The following GRM5 variants were observed in gnomAD, a reference collection of about 807,000 sequenced individuals.
GRM5 encodes metabotropic glutamate receptor 5.
In GRM5, 19 loss-of-function variants were observed where a neutral mutation model predicts 83.1. That is an observed-to-expected ratio of 0.23 (90% confidence interval 0.16 to 0.34). GRM5 has a LOEUF of 0.34. GRM5 is among the 10% of genes least tolerant of loss of function. GRM5 has a pLI of 1.00. For synonymous variants in GRM5, 675 were observed against 633.6 expected (o/e 1.07, Z -0.98); for missense variants, 1,160 against 1,588.3 (o/e 0.73, Z 4.58).
intron 3 of GRM5, among the ~76,000 whole-genome samples, chr11:88,815,239 C>T (rs1943654933): frequency 6.6e-6 from 1 of 151,952 alleles, no homozygotes; most frequent in Admixed American, 6.5e-5. Context: ...CTTTTGACCA[C>T]AATAGAATTA....
intron 3 of GRM5, among the ~76,000 whole-genome samples, chr11:88,810,181 G>T (rs1020443071): frequency 3.9e-5 from 6 of 151,958 alleles, no homozygotes; most frequent in Non-Finnish European, 8.8e-5. Context: ...CTGCAGCCTA[G>T]ATTAGCAAGT....
chr11:88,895,166 A>C (rs1471040083), intron 2 of GRM5, among the ~76,000 whole-genome samples: 3 of 152,132 alleles, frequency 2.0e-5, no homozygotes, highest in African/African-American at 7.2e-5. Context: ...CTAAAAAAGT[A>C]AACTAATTAA....
intron 3 of GRM5, among the ~76,000 whole-genome samples, chr11:88,704,837 T>C (rs1046748051): frequency 6.6e-6 from 1 of 152,064 alleles, no homozygotes; most frequent in Admixed American, 6.6e-5. Flanking sequence ...CCATTCACCC[T>C]GGAAGGAAGC....
intron 2 of GRM5, among the ~76,000 whole-genome samples, chr11:89,029,919 G>T (rs1941222140): frequency 6.6e-6 from 1 of 152,048 alleles, no homozygotes; most frequent in African/African-American, 2.4e-5. Context: ...GACAACCAAA[G>T]CTGTAGATGT....
At chr11:88,832,861 G>A (rs1044022927) in intron 3 of GRM5, among the ~76,000 whole-genome samples, 1 of 151,946 alleles carries the variant, frequency 6.6e-6, no homozygotes, top group Non-Finnish European at 1.5e-5. Flanking sequence ...AATATTCAAT[G>A]AGGAAAGAAC....
In GRM5 at chr11:88,983,967, C is replaced by T. The variant is rs1565320428; in HGVS notation, c.661+63245G>A. On this transcript the variant is annotated intron_variant, in intron 2 of 9. Transcript: ENST00000305447. ...AAAAACTTTTAAAAATATTAAAAAG[C>T]ATATAGAAAAGGAATATAAAGAAAA... is the stretch of plus-strand genomic sequence containing the variant. Among the ~76,000 whole-genome samples the T allele has an allele frequency of 1.3e-5, 2 of 151,862 alleles. 1 individual carries two copies. The highest frequency in any genetic ancestry group is 4.1e-4 in the South Asian group (2 of 4,822).
intron 4 of GRM5, among the ~76,000 whole-genome samples, chr11:88,645,770 A>C (rs1273298742): frequency 1.3e-5 from 2 of 152,166 alleles, no homozygotes; most frequent in African/African-American, 4.8e-5. Context: ...TAAAAATTAT[A>C]CTGAAAACAG....
intron 2 of GRM5, among the ~76,000 whole-genome samples, chr11:89,043,110 C>A (rs1219865048): frequency 6.6e-6 from 1 of 152,126 alleles, no homozygotes; most frequent in Non-Finnish European, 1.5e-5. Context: ...TAAAAACTTA[C>A]AAGTGCCTGC....
intron 3 of GRM5, among the ~76,000 whole-genome samples, chr11:88,802,732 A>G (rs1219476327): frequency 6.6e-6 from 1 of 150,910 alleles, no homozygotes; most frequent in Non-Finnish European, 1.5e-5. Context: ...TTAGGAAAAG[A>G]GGAAGTCAAA....
chr11:88,990,966 C>T (rs1939945176), intron 2 of GRM5, among the ~76,000 whole-genome samples: 1 of 152,114 alleles, frequency 6.6e-6, no homozygotes, highest in African/African-American at 2.4e-5. Context: ...ACAGAGATGC[C>T]CTCTCTCACC....
At chr11:88,656,737 A>G (rs1939776042) in intron 3 of GRM5, among the ~76,000 whole-genome samples, 1 of 152,160 alleles carries the variant, frequency 6.6e-6, no homozygotes, top group African/African-American at 2.4e-5. Flanking sequence ...TGGGTTCCAT[A>G]TTCACAGATT....
intron 3 of GRM5, among the ~76,000 whole-genome samples, chr11:88,661,233 G>A (rs7944213): frequency 0.89 from 134,981 of 152,190 alleles, 60,773 homozygotes; most frequent in Non-Finnish European, 0.98. Flanking sequence ...AATGTTTAAT[G>A]TAACTTGTTT....
intron 2 of GRM5, among the ~76,000 whole-genome samples, chr11:88,988,720 A>G (rs1939840555): frequency 6.6e-6 from 1 of 151,358 alleles, no homozygotes; most frequent in African/African-American, 2.4e-5. Context: ...ATTCTTAAAG[A>G]AAAGAATTTT....
intron 3 of GRM5, among the ~76,000 whole-genome samples, chr11:88,830,355 G>A (rs1943966879): frequency 2.0e-5 from 3 of 151,644 alleles, no homozygotes; most frequent in Non-Finnish European, 4.4e-5. Flanking sequence ...AGAGAGAGAG[G>A]CTTCAAAATG....
At chr11:88,780,965 C>CT (rs904089679) in intron 3 of GRM5, among the ~76,000 whole-genome samples, 76 of 150,812 alleles carry the variant, frequency 5.0e-4, no homozygotes, top group African/African-American at 1.0e-3. Context: ...TTAAACATGG[C>CT]TTTTTTTTTC....
intron 2 of GRM5, among the ~76,000 whole-genome samples, chr11:89,020,414 T>A (rs1431735301): frequency 6.6e-6 from 1 of 152,192 alleles, no homozygotes; most frequent in East Asian, 1.9e-4. Flanking sequence ...ATGGGAGAAA[T>A]AGTAGAAGTC....
chr11:88,796,840 C>A (rs1205178889), intron 3 of GRM5, among the ~76,000 whole-genome samples: 1 of 151,484 alleles, frequency 6.6e-6, no homozygotes, highest in East Asian at 2.0e-4. Context: ...TGGAAAGAAA[C>A]AGGTGCCTGT....
chr11:88,832,520 T>C (rs2135521198), intron 3 of GRM5, among the ~76,000 whole-genome samples: 1 of 152,246 alleles, frequency 6.6e-6, no homozygotes, highest in African/African-American at 2.4e-5. Flanking sequence ...GAATTAACAT[T>C]GTTACAATGA....
chr11:88,884,895 T>C (rs1945016648), intron 2 of GRM5, among the ~76,000 whole-genome samples: 1 of 152,112 alleles, frequency 6.6e-6, no homozygotes, highest in Non-Finnish European at 1.5e-5. Context: ...CATTAAACCT[T>C]TTTCCTTATA....
Sources: allele counts gnomAD v4.1 joint callset (sites outside exome capture counted in the v4.1 genomes callset), GRCh38; gene constraint gnomAD v4.1.1; transcripts MANE v1.5; gene names NCBI Gene and HGNC (gene_info 2026-07-23, HGNC 2026-07-21).